Variants in PTPN11 observed in about 807,000 individuals in gnomAD.
PTPN11 encodes protein tyrosine phosphatase non-receptor type 11, also known as tyrosine-protein phosphatase non-receptor type 11.
In PTPN11, 6 loss-of-function variants were observed where a neutral mutation model predicts 78.8. The observed-to-expected ratio is 0.08, with a 90% CI of 0.04 to 0.15. The LOEUF (loss-of-function observed/expected upper bound fraction) is 0.15. Ranked by LOEUF, PTPN11 falls within the 10% of genes least tolerant of loss-of-function variation. PTPN11 has a pLI of 1.00. For missense variants in PTPN11, 386 were observed against 744.8 expected, an observed-to-expected ratio of 0.52 and a Z score of 5.61; for synonymous variants, 221 against 263.5, an observed-to-expected ratio of 0.84 and a Z score of 1.56.
At position 112,419,167 on chromosome 12, in the gene PTPN11, C is replaced by T. The variant is rs553727130; in HGVS notation, c.14+42C>T. On this transcript the variant is annotated intron_variant, in intron 1 of 15. Transcript: ENST00000351677. ...GGCCCGGCGCGGGCCTCGGCCCGGC[C>T]ACCGCCGCGTTCGGTTAGCCCCGTC... is the stretch of plus-strand genomic sequence containing the variant. The T allele has an allele frequency of 3.5e-4, 520 of 1,482,928 alleles. 4 individuals are homozygous for T. The South Asian group carries it at 5.7e-3, about 16-fold the overall frequency. The allele number at this position is 1,482,928 out of a possible 1,614,324, so 91.9% of individuals were successfully genotyped here.
chr12:112,478,158 AT>A, intron 9 of PTPN11, 143 bp downstream of exon 9: 1 of 962,468 alleles, frequency 1.0e-6, no homozygotes, highest in East Asian at 2.6e-5. Context: ...AAATTTGATT[AT>A]GTTATTCCTT....
intron 7 of PTPN11, among the ~76,000 whole-genome samples, chr12:112,475,163 C>G (rs1436748379): frequency 2.6e-5 from 4 of 152,128 alleles, no homozygotes; most frequent in Non-Finnish European, 5.9e-5. Flanking sequence ...TTTCCTAGAC[C>G]ATTTTAGCAA....
intron 6 of PTPN11, among the ~76,000 whole-genome samples, chr12:112,471,343 G>A (rs1000332876): frequency 5.3e-5 from 8 of 150,606 alleles, no homozygotes; most frequent in African/African-American, 1.7e-4. Context: ...TTAAACACTA[G>A]GCTTTTTGTA....
chr12:112,435,106 C>T (rs1025689385), intron 1 of PTPN11, among the ~76,000 whole-genome samples: 7 of 152,062 alleles, frequency 4.6e-5, no homozygotes, highest in African/African-American at 1.7e-4. Flanking sequence ...GCAACCCCGA[C>T]GTCCCAGGCT....
chr12:112,470,237 T>C (rs1190545016), intron 6 of PTPN11, among the ~76,000 whole-genome samples: 1 of 152,222 alleles, frequency 6.6e-6, no homozygotes, highest in Non-Finnish European at 1.5e-5. Flanking sequence ...GTGCTAATGC[T>C]GCTGGTCTAC....
chr12:112,471,454 A>AAGAG (rs56070053), intron 6 of PTPN11, among the ~76,000 whole-genome samples: 8,656 of 126,248 alleles, frequency 0.069, 429 homozygotes, highest in East Asian at 0.25. Flanking sequence ...GATAAACAGA[A>AAGAG]AGAGAGAGAG....
rs191451558 is a variant in PTPN11 at position 112,508,705 on chromosome 12, T to G, written c.*2913T>G. ...AAAAAAAAAGCCAAATTTCACAGTCTTAATAACTTTTTTTAAAAAAAACTA... is the reference window on the plus strand; with the variant it reads ...AAAAAAAAAGCCAAATTTCACAGTCGTAATAACTTTTTTTAAAAAAAACTA... On this transcript the variant is annotated 3_prime_UTR_variant, in exon 16 of 16. Transcript: ENST00000351677. 6.6e-6 allele frequency: 1 copy of G among 152,334 alleles called. No individual in the cohort carries two copies. The highest frequency in any genetic ancestry group is 1.5e-5 in the Non-Finnish European group (1 of 68,038). 9.4% of individuals were successfully genotyped at this position (152,334 alleles called of 1,614,324 possible). A position where few individuals can be genotyped will look rare whatever the true frequency, so the allele number is the denominator to read the frequency against.
intron 11 of PTPN11, among the ~76,000 whole-genome samples, chr12:112,487,275 C>T (rs2038692710): frequency 6.6e-6 from 1 of 152,066 alleles, no homozygotes. Context: ...GCTGGGATTA[C>T]AGGCATCTGA....
At chr12:112,470,675 C>A (rs1053487569) in intron 6 of PTPN11, among the ~76,000 whole-genome samples, 4 of 152,064 alleles carry the variant, frequency 2.6e-5, no homozygotes, top group African/African-American at 9.7e-5. Context: ...AAGTGTCATG[C>A]GAAGTTGGGT....
At chr12:112,449,711 G>A (rs528663652) in intron 2 of PTPN11, among the ~76,000 whole-genome samples, 4 of 152,268 alleles carry the variant, frequency 2.6e-5, no homozygotes, top group African/African-American at 7.2e-5. Flanking sequence ...TGTTTTGGTA[G>A]CTATACAGTT....
intron 1 of PTPN11, among the ~76,000 whole-genome samples, chr12:112,420,536 G>A (rs2037507752): frequency 6.6e-6 from 1 of 151,996 alleles, no homozygotes; most frequent in South Asian, 2.1e-4. Flanking sequence ...TAGAGACAGG[G>A]TTTCACTATG....
At chr12:112,430,513 C>G (rs1241405255) in intron 1 of PTPN11, among the ~76,000 whole-genome samples, 2 of 152,116 alleles carry the variant, frequency 1.3e-5, no homozygotes, top group Non-Finnish European at 2.9e-5. Flanking sequence ...ACTGCAGCCT[C>G]AGATGCCTGG....
At chr12:112,490,807 A>G (rs1437130815) in intron 13 of PTPN11, among the ~76,000 whole-genome samples, 1 of 152,216 alleles carries the variant, frequency 6.6e-6, no homozygotes, top group East Asian at 1.9e-4. Flanking sequence ...GAAATCCTGC[A>G]ATATATAGTT....
At chr12:112,460,313 A>G (rs953067683) in intron 6 of PTPN11, among the ~76,000 whole-genome samples, 31 of 152,182 alleles carry the variant, frequency 2.0e-4, no homozygotes, top group African/African-American at 6.5e-4. Flanking sequence ...AATGTGTATA[A>G]AACAGATTCA....
intron 14 of PTPN11, among the ~76,000 whole-genome samples, chr12:112,503,074 C>T (rs1404349146): frequency 2.0e-5 from 3 of 152,132 alleles, no homozygotes; most frequent in Admixed American, 2.0e-4. Context: ...TGGGCCATGG[C>T]CTGTTACTGT....
At chr12:112,424,530 G>C (rs961900569) in intron 1 of PTPN11, among the ~76,000 whole-genome samples, 2 of 152,124 alleles carry the variant, frequency 1.3e-5, no homozygotes, top group Non-Finnish European at 2.9e-5. Context: ...GATGAGAGAG[G>C]CTTTGAACTT....
intron 13 of PTPN11, among the ~76,000 whole-genome samples, chr12:112,496,512 T>G (rs1168620123): frequency 6.6e-6 from 1 of 152,204 alleles, no homozygotes; most frequent in Non-Finnish European, 1.5e-5. Context: ...TGGATTCATA[T>G]ATATCTATAA....
At chr12:112,445,260 T>C (rs2037974869) in intron 1 of PTPN11, among the ~76,000 whole-genome samples, 1 of 151,970 alleles carries the variant, frequency 6.6e-6, no homozygotes. Flanking sequence ...GCCTCCTGAG[T>C]AGCTGGGATT....
chr12:112,489,721 T>G (rs943714651), intron 13 of PTPN11, among the ~76,000 whole-genome samples: 1 of 152,210 alleles, frequency 6.6e-6, no homozygotes, highest in African/African-American at 2.4e-5. Context: ...ATTAGGAATA[T>G]GCTGAGATGA....
Sources: allele counts gnomAD v4.1 joint callset (sites outside exome capture counted in the v4.1 genomes callset), GRCh38; gene constraint gnomAD v4.1.1; transcripts MANE v1.5; gene names NCBI Gene and HGNC (gene_info 2026-07-23, HGNC 2026-07-21).